KCNT2: variants seen among roughly 807,000 people sequenced by gnomAD.
KCNT2 encodes potassium sodium-activated channel subfamily T member 2.
In KCNT2, 67 loss-of-function variants were observed where a neutral mutation model predicts 153.8. That is an observed-to-expected ratio of 0.44 (90% CI 0.36 to 0.53). The LOEUF is 0.53. Among genes scored for constraint, KCNT2 ranks in the 20% least tolerant of loss-of-function variants. The probability of loss-of-function intolerance (pLI) is 0.00; values close to 1 mark genes in which losing one functional copy is unlikely to be tolerated. For synonymous variants in KCNT2, 500 were observed against 458.8 expected (o/e 1.09, Z -1.15); for missense variants, 975 against 1,354.8 (o/e 0.72, Z 4.40).
At chr1:196,534,920 A>G (rs1655369854) in intron 1 of KCNT2, among the ~76,000 whole-genome samples, 1 of 152,168 alleles carries the variant, frequency 6.6e-6, no homozygotes, top group Non-Finnish European at 1.5e-5. Flanking sequence ...CCTAGTAGAG[A>G]CTAGCCACAG....
chr1:196,423,185 A>T, intron 11 of KCNT2, 72 bp from the exon 12 acceptor site: 2 of 983,564 alleles, frequency 2.0e-6, no homozygotes, highest in South Asian at 2.9e-5. Context: ...ATAGAATTTC[A>T]GTCTTGAGTC....
chr1:196,505,522 C>T (rs1681060210), intron 1 of KCNT2, among the ~76,000 whole-genome samples: 1 of 151,148 alleles, frequency 6.6e-6, no homozygotes, highest in Admixed American at 6.6e-5. Context: ...TAGTGTGATG[C>T]CTCCAGCTTT....
At chr1:196,401,244 G>A (rs1485472904) in intron 12 of KCNT2, among the ~76,000 whole-genome samples, 5 of 151,874 alleles carry the variant, frequency 3.3e-5, no homozygotes, top group African/African-American at 1.2e-4. Flanking sequence ...TTATTTGGAA[G>A]AATACAGGAG....
chr1:196,250,775 T>C (rs1297530054), intron 26 of KCNT2, among the ~76,000 whole-genome samples: 1 of 151,912 alleles, frequency 6.6e-6, no homozygotes, highest in Non-Finnish European at 1.5e-5. Flanking sequence ...CAACTTTATG[T>C]GAAATAATCT....
At chr1:196,540,981 G>A (rs1171277589) in intron 1 of KCNT2, among the ~76,000 whole-genome samples, 1 of 151,960 alleles carries the variant, frequency 6.6e-6, no homozygotes, top group Non-Finnish European at 1.5e-5. Flanking sequence ...TAGGAGAATG[G>A]AGTGAACCCG....
chr1:196,550,084 C>T (rs938370060), intron 1 of KCNT2, among the ~76,000 whole-genome samples: 1 of 151,824 alleles, frequency 6.6e-6, no homozygotes, highest in African/African-American at 2.4e-5. Flanking sequence ...CACTTTAGCC[C>T]ATCACTGGAT....
In KCNT2 at chr1:196,280,974, T is replaced by G. The variant is rs752296658; in HGVS notation, c.2796A>C (p.Ala932=). The change falls in exon 25 of 28, where the codon GCA becomes GCC. Residue 932 remains alanine (A), a synonymous_variant. Coordinates refer to ENST00000294725, the MANE Select transcript of KCNT2 (RefSeq NM_198503.5). ...SGFLCSMKIT[A]DDLWIRTYAR... ...CATAAGTTCTGATCCATAAGTCATC[T>G]GCAGTGATTTTCATCTATAACACAC... 5.0e-6 allele frequency: 8 copies of G among 1,610,860 alleles called. No individual in the cohort carries two copies. In the Admixed American group the frequency reaches 1.3e-4, roughly 27 times the overall value.
chr1:196,407,834 C>G (rs575704189), intron 12 of KCNT2, among the ~76,000 whole-genome samples: 2 of 143,196 alleles, frequency 1.4e-5, no homozygotes, highest in African/African-American at 4.9e-5. Flanking sequence ...CAGCATGAGC[C>G]GGGAATAAAA....
chr1:196,265,461 G>A (rs1657449057), intron 25 of KCNT2, among the ~76,000 whole-genome samples: 1 of 152,156 alleles, frequency 6.6e-6, no homozygotes, highest in African/African-American at 2.4e-5. Context: ...CTATCTTTGT[G>A]TCTAATATTG....
chr1:196,474,103 C>T (rs145516077), intron 5 of KCNT2, among the ~76,000 whole-genome samples: 69 of 152,040 alleles, frequency 4.5e-4, no homozygotes, highest in Non-Finnish European at 7.9e-4. Flanking sequence ...ACATTTAGCA[C>T]GGACACATCA....
intron 27 of KCNT2, among the ~76,000 whole-genome samples, chr1:196,231,578 T>G (rs1289460172): frequency 6.6e-6 from 1 of 151,870 alleles, no homozygotes. Context: ...AGGAACTGCT[T>G]TATTGTGGGG....
At chr1:196,290,552 G>A (rs973456453) in intron 22 of KCNT2, among the ~76,000 whole-genome samples, 4 of 150,936 alleles carry the variant, frequency 2.7e-5, no homozygotes, top group African/African-American at 4.9e-5. Context: ...GTGTGTGTGT[G>A]TATATGTATA....
At chr1:196,255,720 C>T (rs1382082088) in intron 26 of KCNT2, among the ~76,000 whole-genome samples, 1 of 151,714 alleles carries the variant, frequency 6.6e-6, no homozygotes, top group Non-Finnish European at 1.5e-5. Context: ...CATTTTAGTG[C>T]CAAACTTACT....
intron 13 of KCNT2, among the ~76,000 whole-genome samples, chr1:196,394,677 A>G (rs1163768375): frequency 1.3e-5 from 2 of 151,548 alleles, no homozygotes; most frequent in Non-Finnish European, 3.0e-5. Context: ...GAGATCCTCT[A>G]AGAAAAAGAT....
intron 8 of KCNT2, among the ~76,000 whole-genome samples, chr1:196,454,362 C>T (rs949941505): frequency 6.6e-6 from 1 of 151,990 alleles, no homozygotes; most frequent in South Asian, 2.1e-4. Context: ...TTTTTCAGCC[C>T]TTGCCCTCCT....
At chr1:196,425,544 A>G (rs1673585489) in intron 11 of KCNT2, among the ~76,000 whole-genome samples, 1 of 151,988 alleles carries the variant, frequency 6.6e-6, no homozygotes, top group Admixed American at 6.6e-5. Flanking sequence ...GTGAGTCTGG[A>G]TACCTCAGTG....
At chr1:196,532,630 T>C (rs1655093875) in intron 1 of KCNT2, among the ~76,000 whole-genome samples, 1 of 151,928 alleles carries the variant, frequency 6.6e-6, no homozygotes, top group Non-Finnish European at 1.5e-5. Flanking sequence ...AATTGTGACT[T>C]TACTGCAATC....
chr1:196,375,955 T>A lies in KCNT2; in HGVS notation c.1295-2707A>T, dbSNP rs181077882. ...GGATAATAATCTTTATTTGCATGCA[T>A]CACAGAGAGCTAAAACTCAATCTGA... On this transcript the variant is annotated intron_variant, in intron 13 of 27. Coordinates refer to ENST00000294725, the MANE Select transcript of KCNT2 (RefSeq NM_198503.5). 9.0e-4 allele frequency among the ~76,000 whole-genome samples: 137 copies of A among 151,942 alleles called. 1 individual carries two copies. Among genetic ancestry groups the A allele is most frequent in the Middle Eastern group, 3.4e-3 (1 of 294 alleles).
chr1:196,541,849 T>C (rs1051827379), intron 1 of KCNT2, among the ~76,000 whole-genome samples: 9 of 152,044 alleles, frequency 5.9e-5, no homozygotes, highest in Non-Finnish European at 1.5e-5. Context: ...CCATTATATA[T>C]TGATTAGTAA....
Sources: allele counts gnomAD v4.1 joint callset (sites outside exome capture counted in the v4.1 genomes callset), GRCh38; gene constraint gnomAD v4.1.1; transcripts MANE v1.5; gene names NCBI Gene and HGNC (gene_info 2026-07-23, HGNC 2026-07-21).